Variants in ZFHX3 observed in about 807,000 individuals in gnomAD.
ZFHX3 encodes zinc finger homeobox protein 3.
ZFHX3 carries 42 observed loss-of-function variants against 279.1 expected under a neutral mutation model. That is an observed-to-expected ratio of 0.15 (90% CI 0.12 to 0.19). The LOEUF is 0.19. ZFHX3 is among the 10% of genes least tolerant of loss of function. The probability of loss-of-function intolerance (pLI) is 1.00; values close to 1 mark genes in which losing one functional copy is unlikely to be tolerated. For synonymous variants in ZFHX3, 2,293 were observed against 1,957.8 expected, an observed-to-expected ratio of 1.17 and a Z score of -4.52; for missense variants, 4,981 against 4,754.0, an observed-to-expected ratio of 1.05 and a Z score of -1.40.
At chr16:73,354,074 G>T (rs1187366261) in intron 3 of ZFHX3, among the ~76,000 whole-genome samples, 2 of 152,156 alleles carry the variant, frequency 1.3e-5, no homozygotes, top group African/African-American at 4.8e-5. Context: ...GAGTAGGGCT[G>T]TGGGATTTAG....
intron 3 of ZFHX3, among the ~76,000 whole-genome samples, chr16:73,439,949 A>G (rs1359208720): frequency 2.0e-5 from 3 of 149,530 alleles, no homozygotes; most frequent in Admixed American, 6.6e-5. Flanking sequence ...AAAAAAAACA[A>G]GGAGAAGGGC....
At chr16:73,387,179 T>C (rs1345125316) in intron 3 of ZFHX3, 1 of 152,180 alleles carries the variant, frequency 6.6e-6, no homozygotes, top group African/African-American at 2.4e-5. Context: ...GGTCCCTGCA[T>C]TATTTGAGCA....
At chr16:72,946,137 G>A (rs375638783) in intron 3 of ZFHX3, among the ~76,000 whole-genome samples, 6 of 152,154 alleles carry the variant, frequency 3.9e-5, no homozygotes, top group South Asian at 2.1e-4. Context: ...ACATTCTTCC[G>A]TACTGCACAA....
chr16:73,170,832 C>G (rs1967503744), intron 5 of ZFHX3, among the ~76,000 whole-genome samples: 1 of 152,126 alleles, frequency 6.6e-6, no homozygotes, highest in African/African-American at 2.4e-5. Context: ...TGAATTGGCT[C>G]TTCCCCTCCA....
intron 1 of ZFHX3, among the ~76,000 whole-genome samples, chr16:73,831,216 G>A (rs1960986787): frequency 6.6e-6 from 1 of 152,092 alleles, no homozygotes; most frequent in South Asian, 2.1e-4. Flanking sequence ...ATTTGAAAAG[G>A]GCAACAGAAA....
intron 1 of ZFHX3, among the ~76,000 whole-genome samples, chr16:73,762,666 G>A (rs1377781812): frequency 6.6e-6 from 1 of 152,172 alleles, no homozygotes; most frequent in African/African-American, 2.4e-5. Context: ...ATGAGATCAT[G>A]TCCTTTGCAG....
intron 7 of ZFHX3, 99 bp downstream of exon 7, chr16:72,811,478 A>G (rs2143588344): frequency 7.9e-7 from 1 of 1,258,356 alleles, no homozygotes; most frequent in Middle Eastern, 2.8e-4. Flanking sequence ...CCAACTCTAC[A>G]CTGACTTTCT....
chr16:73,333,393 C>T (rs977749020), intron 3 of ZFHX3, among the ~76,000 whole-genome samples: 5 of 151,980 alleles, frequency 3.3e-5, no homozygotes, highest in Non-Finnish European at 7.4e-5. Flanking sequence ...TACATACATA[C>T]ATAGACACAC....
intron 1 of ZFHX3, among the ~76,000 whole-genome samples, chr16:73,808,220 A>T (rs553817468): frequency 6.6e-6 from 1 of 152,362 alleles, no homozygotes; most frequent in African/African-American, 2.4e-5. Context: ...TCATGAGCAC[A>T]TGCTCATTTT....
intron 5 of ZFHX3, among the ~76,000 whole-genome samples, chr16:72,821,633 C>T (rs1230775150): frequency 6.6e-6 from 1 of 152,210 alleles, no homozygotes; most frequent in Non-Finnish European, 1.5e-5. Context: ...TAATAAAGCA[C>T]AATATTTTGT....
At position 72,800,717 on chromosome 16, in the gene ZFHX3, T is replaced by C. The variant is rs1028586969; in HGVS notation, c.3865-588A>G. Among the ~76,000 whole-genome samples, 2 of 151,766 alleles carry C rather than the reference T, an allele frequency of 1.3e-5. 1 individual carries two copies. Among genetic ancestry groups the C allele is most frequent in the South Asian group, 4.1e-4 (2 of 4,822 alleles). ...ACAACATTTGTAACCCTTTACAAGC[T>C]GACATCAAGCACAAACAAGCCTTTT... On this transcript the variant is annotated intron_variant, in intron 7 of 9. Transcript: ENST00000268489.
chr16:72,926,619 T>C (rs1959461054), intron 3 of ZFHX3, among the ~76,000 whole-genome samples: 2 of 152,176 alleles, frequency 1.3e-5, no homozygotes, highest in Non-Finnish European at 2.9e-5. Context: ...GAAACTAGAA[T>C]TGCTCAGCAC....
At position 72,795,997 on chromosome 16, in the gene ZFHX3, G is replaced by C. The variant is rs763959816; in HGVS notation, c.6685C>G (p.Pro2229Ala). Reference sequence around the variant, plus strand: ...TCCTGCTTTGGAGGTTCCGGCGAAGGGGGCCGGGAGTCAATCTTGAGCTCC... The same window carrying C: ...TCCTGCTTTGGAGGTTCCGGCGAAGCGGGCCGGGAGTCAATCTTGAGCTCC... ...LEELKIDSRP[P>A]SPEPPKQEYW... The change falls in exon 9 of 10, where the codon CCT becomes GCT. Residue 2229 changes from proline (P) to alanine (A), a missense_variant. Transcript: ENST00000268489. 2.4e-5 allele frequency: 39 copies of C among 1,614,114 alleles called. No individual in the cohort carries two copies. The Middle Eastern group carries it at 1.2e-3, about 48-fold the overall frequency.
Position 72,811,708 on chromosome 16 carries a change from G to T in ZFHX3, c.3733C>A (p.Gln1245Lys), listed in dbSNP as rs773485652. ...VNRLRVHAMT[Q>K]HSVQPMLRCP... ...CGAAGCATGGGTTGCACCGAGTGCT[G>T]CGTCATGGCATGCACCCGGAGCCGG... The change falls in exon 7 of 10, where the codon CAG becomes AAG. Residue 1245 changes from glutamine to lysine, a missense_variant. By Grantham distance (53) the Gln-to-Lys change is moderately conservative. Coordinates refer to ENST00000268489, the MANE Select transcript of ZFHX3 (RefSeq NM_006885.4). The T allele has an allele frequency of 6.2e-7, 1 of 1,614,114 alleles. No individual in the cohort carries two copies. Among genetic ancestry groups the T allele is most frequent in the South Asian group, 1.1e-5 (1 of 91,070 alleles).
At position 73,202,745 on chromosome 16, in the gene ZFHX3, T is replaced by C. The variant is rs577900110; in HGVS notation, c.-1104+54302A>G. On this transcript the variant is annotated intron_variant, in intron 5 of 17. Coordinates refer to the ZFHX3 transcript ENST00000641206. ...TGCACTTTTCACATCTCTTTGCCTT[T>C]GATTTTGCAGGTCCTTCTCTCTGGA... 8.5e-5 allele frequency among the ~76,000 whole-genome samples: 13 copies of C among 152,202 alleles called. No individual in the cohort carries two copies. The South Asian group carries it at 2.7e-3, about 32-fold the overall frequency.
At chr16:73,446,876 G>T (rs910353294) in intron 3 of ZFHX3, among the ~76,000 whole-genome samples, 2 of 151,962 alleles carry the variant, frequency 1.3e-5, no homozygotes, top group Non-Finnish European at 2.9e-5. Flanking sequence ...ATGTACCCCT[G>T]AACTTAAAAG....
chr16:73,002,384 T>A (rs1312547226), intron 1 of ZFHX3, among the ~76,000 whole-genome samples: 3 of 152,094 alleles, frequency 2.0e-5, no homozygotes, highest in African/African-American at 7.2e-5. Context: ...TTCCACAAAG[T>A]GACGAGATAG....
At chr16:73,380,695 G>T (rs2016805653) in intron 3 of ZFHX3, among the ~76,000 whole-genome samples, 1 of 152,202 alleles carries the variant, frequency 6.6e-6, no homozygotes, top group Admixed American at 6.5e-5. Flanking sequence ...TACTTAGAGA[G>T]AAATTTAATG....
At chr16:72,978,522 CGCCTTCCTCTGG>C (rs1962452716) in intron 1 of ZFHX3, among the ~76,000 whole-genome samples, 1 of 152,162 alleles carries the variant, frequency 6.6e-6, no homozygotes, top group Non-Finnish European at 1.5e-5. Flanking sequence ...ACCGAGGTCT[CGCCTTCCTCTGG>C]GCTAAGTCCA....
Sources: gnomAD v4.1 joint callset for allele counts (sites outside exome capture counted in the v4.1 genomes callset) on GRCh38, gnomAD v4.1.1 for gene constraint, MANE v1.5 for transcripts, NCBI Gene and HGNC (gene_info 2026-07-23, HGNC 2026-07-21) for gene names.